IGFL2: variants seen among roughly 807,000 people sequenced by gnomAD.
IGFL2 encodes the protein insulin growth factor-like family member 2.
A neutral mutation model predicts 13.9 loss-of-function variants in IGFL2; 7 were observed. The observed-to-expected ratio is 0.51, with a 90% CI of 0.29 to 0.95. The LOEUF (loss-of-function observed/expected upper bound fraction) is 0.95, where lower values mean the gene tolerates loss of function less well. Ranked by LOEUF, IGFL2 falls within the 40% of genes least tolerant of loss-of-function variation. The pLI is 0.08. For missense variants in IGFL2, 138 were observed against 147.8 expected (o/e 0.93, Z 0.34); for synonymous variants, 55 against 55.8 (o/e 0.99, Z 0.07).
the IGFL2 span, among the ~76,000 whole-genome samples, chr19:46,084,478 C>T: frequency 2.0e-5 from 3 of 152,234 alleles, no homozygotes; most frequent in African/African-American, 7.2e-5. Context: ...ATATGTTAGG[C>T]CATTCCTACA....
chr19:46,191,355 A>G, the IGFL2 span, among the ~76,000 whole-genome samples: 2,095 of 152,114 alleles, frequency 0.014, 54 homozygotes, highest in African/African-American at 0.046. Flanking sequence ...TTCCTCACTG[A>G]ATTTTCCCTC....
the IGFL2 span, among the ~76,000 whole-genome samples, chr19:46,094,034 ATTTTTTTT>A: frequency 7.0e-5 from 8 of 114,228 alleles, no homozygotes; most frequent in African/African-American, 2.0e-4. Flanking sequence ...GCCTTGGAGG[ATTTTTTTT>A]TTTTTTTTTT....
At chr19:46,159,440 A>G (rs1974014543) in intron 1 of IGFL2, 1 of 152,218 alleles carries the variant, frequency 6.6e-6, no homozygotes, top group Admixed American at 6.5e-5. Context: ...ACTCTCTGAT[A>G]TGGAGTAGCC....
chr19:46,100,014 C>G, the IGFL2 span, among the ~76,000 whole-genome samples: 354 of 152,254 alleles, frequency 2.3e-3, 2 homozygotes, highest in African/African-American at 8.0e-3. Flanking sequence ...TTCTAGTTAG[C>G]AGCTCCTATG....
the IGFL2 span, among the ~76,000 whole-genome samples, chr19:46,104,084 C>G: frequency 6.6e-6 from 1 of 152,142 alleles, no homozygotes; most frequent in Non-Finnish European, 1.5e-5. Flanking sequence ...GGCTGGGAAT[C>G]TGGAGTAGGC....
intron 1 of IGFL2, among the ~76,000 whole-genome samples, chr19:46,150,118 T>A (rs1175781827): frequency 2.0e-5 from 3 of 152,224 alleles, no homozygotes; most frequent in African/African-American, 7.2e-5. Context: ...TGCGTTTCCT[T>A]GGTAAATAAC....
chr19:46,121,824 A>G, the IGFL2 span, among the ~76,000 whole-genome samples: 2 of 151,042 alleles, frequency 1.3e-5, no homozygotes, highest in Non-Finnish European at 2.9e-5. Context: ...CTTGCTGGGG[A>G]TTTTATAGGT....
chr19:46,205,949 T>C, the IGFL2 span, among the ~76,000 whole-genome samples: 4 of 152,152 alleles, frequency 2.6e-5, no homozygotes, highest in African/African-American at 7.2e-5. Flanking sequence ...CAGATGTGCA[T>C]TGGAGGTGAC....
At chr19:46,102,429 C>G in the IGFL2 span, among the ~76,000 whole-genome samples, 1 of 152,110 alleles carries the variant, frequency 6.6e-6, no homozygotes. Context: ...GAGAATATTA[C>G]AAAGTACCTT....
At chr19:46,183,277 C>T in the IGFL2 span, among the ~76,000 whole-genome samples, 1 of 152,176 alleles carries the variant, frequency 6.6e-6, no homozygotes, top group Non-Finnish European at 1.5e-5. Context: ...CACCTCCCAC[C>T]AGGTCCTTCT....
chr19:46,115,937 C>T, the IGFL2 span, among the ~76,000 whole-genome samples: 1 of 152,152 alleles, frequency 6.6e-6, no homozygotes, highest in Non-Finnish European at 1.5e-5. Context: ...CGCCGGCTGA[C>T]AGCTTCCTTG....
intron 1 of IGFL2, 35 bp from the exon 2 acceptor site, chr19:46,160,380 A>T (rs1974087116): frequency 1.3e-6 from 2 of 1,594,764 alleles, no homozygotes; most frequent in Non-Finnish European, 1.7e-6. Flanking sequence ...CCACACTTCC[A>T]GCCCCATCCT....
Position 46,161,269 on chromosome 19 carries a change from T to TAC in IGFL2, c.*182_*183insCA. On this transcript the variant is annotated 3_prime_UTR_variant, in exon 4 of 4. Transcript: ENST00000377693. ...TGACAGTAGATTATCAGGAAATAAATAAAGTGGTTTTTCCAATGTACACAC... is the reference window on the plus strand; with the variant it reads ...TGACAGTAGATTATCAGGAAATAAATACAAAGTGGTTTTTCCAATGTACACAC... 1 of 575,512 alleles carries TAC rather than the reference T, an allele frequency of 1.7e-6. No individual in the cohort carries two copies. The highest frequency in any genetic ancestry group is 3.1e-6 in the Non-Finnish European group (1 of 324,442). 35.7% of individuals were successfully genotyped at this position (575,512 alleles called of 1,614,324 possible).
the IGFL2 span, among the ~76,000 whole-genome samples, chr19:46,136,083 A>G: frequency 1.3e-5 from 2 of 152,118 alleles, no homozygotes; most frequent in African/African-American, 2.4e-5. Context: ...GTCCTCATGT[A>G]TAGTATCTCA....
the IGFL2 span, among the ~76,000 whole-genome samples, chr19:46,117,238 T>C: frequency 2.6e-5 from 4 of 152,116 alleles, no homozygotes; most frequent in Non-Finnish European, 5.9e-5. Flanking sequence ...TTCTCTCTTT[T>C]TAAATTTTTA....
At chr19:46,089,348 T>C in the IGFL2 span, among the ~76,000 whole-genome samples, 2 of 152,222 alleles carry the variant, frequency 1.3e-5, no homozygotes, top group African/African-American at 4.8e-5. Context: ...TAACAAATTA[T>C]TGTGATTATT....
At chr19:46,162,829 T>C (rs1974226476), downstream of IGFL2, among the ~76,000 whole-genome samples, 1 of 152,246 alleles carries the variant, frequency 6.6e-6, no homozygotes, top group African/African-American at 2.4e-5. Flanking sequence ...TCATAACTCT[T>C]GTTGCAGAAC....
the IGFL2 span, among the ~76,000 whole-genome samples, chr19:46,100,407 A>C: frequency 6.6e-6 from 1 of 152,294 alleles, no homozygotes; most frequent in East Asian, 1.9e-4. Flanking sequence ...AAGGGCTCCA[A>C]ATTTAAAGGG....
chr19:46,169,311 A>C, the IGFL2 span, among the ~76,000 whole-genome samples: 2 of 152,246 alleles, frequency 1.3e-5, no homozygotes, highest in Admixed American at 1.3e-4. Context: ...AATTAGGTGA[A>C]TCAACCTGAA....
Sources: gnomAD v4.1 joint callset for allele counts (sites outside exome capture counted in the v4.1 genomes callset) on GRCh38, gnomAD v4.1.1 for gene constraint, MANE v1.5 for transcripts, NCBI Gene and HGNC (gene_info 2026-07-23, HGNC 2026-07-21) for gene names.